The following TGM6 variants were observed in gnomAD, a reference collection of about 807,000 sequenced individuals.
TGM6 encodes the protein transglutaminase 6, also known as protein-glutamine gamma-glutamyltransferase 6.
Under a neutral mutation model 77.5 loss-of-function variants are expected in TGM6, and 74 were observed. That is an observed-to-expected ratio of 0.96 (90% CI 0.79 to 1.16). TGM6 has a LOEUF of 1.16. Among genes scored for constraint, TGM6 ranks in the 50% most tolerant of loss-of-function variants. TGM6 has a pLI of 0.00. For synonymous variants in TGM6, 383 were observed against 378.9 expected, an observed-to-expected ratio of 1.01 and a Z score of -0.12; for missense variants, 968 against 940.2, an observed-to-expected ratio of 1.03 and a Z score of -0.39.
intron 12 of TGM6, among the ~76,000 whole-genome samples, chr20:2,431,648 ATTTGTGAAAAAGATCTTGTCC>A (rs1287969275): frequency 2.6e-5 from 4 of 152,240 alleles, no homozygotes; most frequent in African/African-American, 9.6e-5. Context: ...GGACAGTGTG[ATTTGTGAAAAAGATCTTGTCC>A]AAGGTCTGGG....
At position 2,402,375 on chromosome 20, in the gene TGM6, C is replaced by T. The variant is rs541072694; in HGVS notation, c.990-1022C>T. ...TGCCAGGAGCCCTTCCCGAGCTGGCCTCCAGCTCAGACCATCTCTTTGCTC... is the reference window on the plus strand; with the variant it reads ...TGCCAGGAGCCCTTCCCGAGCTGGCTTCCAGCTCAGACCATCTCTTTGCTC... On this transcript the variant is annotated intron_variant, in intron 7 of 12. Coordinates refer to ENST00000202625, the MANE Select transcript of TGM6 (RefSeq NM_198994.3). 2.6e-5 allele frequency among the ~76,000 whole-genome samples: 4 copies of T among 152,298 alleles called. 1 individual carries two copies. The highest frequency in any genetic ancestry group is 9.6e-5 in the African/African-American group (4 of 41,554).
chr20:2,405,568 G>A (rs2084744499), intron 9 of TGM6, among the ~76,000 whole-genome samples: 1 of 152,174 alleles, frequency 6.6e-6, no homozygotes, highest in African/African-American at 2.4e-5. Flanking sequence ...CTAAGTGGGT[G>A]GGTGCTGCTG....
intron 9 of TGM6, among the ~76,000 whole-genome samples, chr20:2,407,595 C>G (rs1259906747): frequency 6.6e-6 from 1 of 152,178 alleles, no homozygotes; most frequent in Non-Finnish European, 1.5e-5. Flanking sequence ...CTCCAGGCTA[C>G]AGAGCGAGAC....
chr20:2,405,897 T>C (rs999566439), intron 9 of TGM6, among the ~76,000 whole-genome samples: 2 of 152,184 alleles, frequency 1.3e-5, no homozygotes, highest in South Asian at 4.2e-4. Flanking sequence ...AATTCTCTTC[T>C]CCCTGCTCAG....
At chr20:2,393,269 C>G (rs777530360) in intron 1 of TGM6, among the ~76,000 whole-genome samples, 1 of 152,224 alleles carries the variant, frequency 6.6e-6, no homozygotes, top group Non-Finnish European at 1.5e-5. Flanking sequence ...CTCTTCATTT[C>G]AGCTGTCATA....
chr20:2,419,238 A>C (rs1227562455), intron 10 of TGM6, among the ~76,000 whole-genome samples: 1 of 151,566 alleles, frequency 6.6e-6, no homozygotes, highest in East Asian at 1.9e-4. Context: ...CTGTATCTCT[A>C]TCTCTCCTTT....
intron 11 of TGM6, 58 bp downstream of exon 11, chr20:2,430,658 G>T: frequency 6.2e-7 from 1 of 1,611,776 alleles, no homozygotes; most frequent in East Asian, 2.2e-5. Context: ...CCCAGAGCTG[G>T]GGGAGGGCGT....
chr20:2,403,652 C>T lies in TGM6; in HGVS notation c.1165C>T (p.Pro389Ser), dbSNP rs2084728463. ...EGDVHLAHDGPFVFAEVNADY... is the reference protein window; with the variant it reads ...EGDVHLAHDGSFVFAEVNADY... Reference sequence around the variant, plus strand: ...TGATGTGCACCTGGCTCACGATGGCCCCTTCGTGTTTGCGGAGGTCAACGC... The same window carrying T: ...TGATGTGCACCTGGCTCACGATGGCTCCTTCGTGTTTGCGGAGGTCAACGC... Residue 389 changes from proline (P) to serine (S), a missense_variant, in exon 9 of 13, where the codon CCC becomes TCC. Physicochemically the swap from Pro to Ser is moderately conservative, Grantham distance 74. Coordinates refer to ENST00000202625, the MANE Select transcript of TGM6 (RefSeq NM_198994.3). The T allele has an allele frequency of 1.2e-6, 2 of 1,614,186 alleles. No individual in the cohort carries two copies. Among genetic ancestry groups the T allele is most frequent in the East Asian group, 4.5e-5 (2 of 44,888 alleles).
intron 10 of TGM6, among the ~76,000 whole-genome samples, chr20:2,422,441 C>T (rs1376855516): frequency 6.6e-6 from 1 of 152,176 alleles, no homozygotes; most frequent in East Asian, 1.9e-4. Context: ...ATACCTCAGA[C>T]ATATTGCAGG....
intron 5 of TGM6, among the ~76,000 whole-genome samples, chr20:2,398,294 C>G (rs1458047171): frequency 6.6e-6 from 1 of 152,164 alleles, no homozygotes; most frequent in East Asian, 1.9e-4. Flanking sequence ...CTGGGGATAT[C>G]TTAATGACTG....
rs545959266 is a variant in TGM6, at chr20:2,403,581, G to C, written c.1094G>C (p.Gly365Ala). The C allele has an allele frequency of 1.1e-5, 17 of 1,614,130 alleles. No individual in the cohort carries two copies. In the East Asian group the frequency reaches 2.5e-4, roughly 23 times the overall value. Residue 365 changes from glycine to alanine, a missense_variant and splice_region_variant, in exon 9 of 13, where the codon GGT (glycine) becomes GCT (alanine). Coordinates refer to ENST00000202625, the MANE Select transcript of TGM6 (RefSeq NM_198994.3). ...GCTCATGCCCACCCCTCCTGCCCAGGTGTGTTCCGGTGCGGCCCAGCCTCA... is the reference window on the plus strand; with the variant it reads ...GCTCATGCCCACCCCTCCTGCCCAGCTGTGTTCCGGTGCGGCCCAGCCTCA... ...LDATPQEESE[G>A]VFRCGPASVT... is the part of the protein sequence containing the mutation.
intron 1 of TGM6, among the ~76,000 whole-genome samples, chr20:2,383,720 G>A (rs1169315675): frequency 1.3e-5 from 2 of 152,158 alleles, no homozygotes; most frequent in Non-Finnish European, 2.9e-5. Context: ...AAGCAAAGAG[G>A]GGAGAATAAC....
At chr20:2,388,443 A>G (rs2084609987) in intron 1 of TGM6, among the ~76,000 whole-genome samples, 1 of 152,152 alleles carries the variant, frequency 6.6e-6, no homozygotes, top group Non-Finnish European at 1.5e-5. Flanking sequence ...CCACCAACTC[A>G]GGAGGCAGAT....
intron 9 of TGM6, among the ~76,000 whole-genome samples, chr20:2,406,378 A>G (rs2084750486): frequency 6.6e-6 from 1 of 151,932 alleles, no homozygotes; most frequent in African/African-American, 2.4e-5. Flanking sequence ...CTGTAGTCCC[A>G]GCTACTCAGG....
chr20:2,429,747 G>A (rs909979620), intron 10 of TGM6, among the ~76,000 whole-genome samples: 13 of 151,584 alleles, frequency 8.6e-5, no homozygotes, highest in Admixed American at 7.2e-4. Flanking sequence ...CCAGCCTCGC[G>A]ACAGAGCGAG....
Position 2,396,621 on chromosome 20 carries a change from G to A in TGM6, c.540G>A (p.Gly180=). 1 of 1,614,184 alleles carries A rather than the reference G, an allele frequency of 6.2e-7. No homozygotes were observed. The change falls in exon 4 of 13, where the codon GGG becomes GGA. Residue 180 remains glycine, a synonymous_variant. Transcript: ENST00000202625. ...KHIRAQGWNY[G]QFEEDILNIC... is the part of the protein sequence containing the mutation. Reference sequence around the variant, plus strand: ...TACGAGCCCAGGGCTGGAACTACGGGCAGGTCTCCAGGGGCACAGGCCAGA... The same window carrying A: ...TACGAGCCCAGGGCTGGAACTACGGACAGGTCTCCAGGGGCACAGGCCAGA...
Position 2,431,044 on chromosome 20 carries a change from G to C in TGM6, c.1967+17G>C. ...CAGCATCGAGTAAGTGCCAGCCTGG[G>C]GGGCTGGCAGGGAATGGGGCTCTCT... On this transcript the variant is annotated intron_variant, in intron 12 of 12. Coordinates refer to ENST00000202625, the MANE Select transcript of TGM6 (RefSeq NM_198994.3). The C allele has an allele frequency of 6.2e-7, 1 of 1,612,862 alleles. No homozygotes were observed.
chr20:2,394,458 G>C lies in TGM6; in HGVS notation c.14G>C (p.Arg5Thr). Residue 5 changes from arginine to threonine, a missense_variant, in exon 2 of 13, where the codon AGA becomes ACA. Arg to Thr is a moderately conservative substitution (Grantham distance 71). Transcript: ENST00000202625. The stretch of plus-strand genomic sequence containing the variant: ...CTGTCCTCTCCCCACCCAGGGATCA[G>C]AGTCACCAAGGTGGACTGGCAGCGG... MAGI[R>T]VTKVDWQRSR... is the part of the protein sequence containing the mutation. 1 of 1,611,456 alleles carries C rather than the reference G, an allele frequency of 6.2e-7. No individual in the cohort carries two copies. The highest frequency in any genetic ancestry group is 8.5e-7 in the Non-Finnish European group (1 of 1,179,848).
At chr20:2,403,175 G>C (rs564601990) in intron 7 of TGM6, among the ~76,000 whole-genome samples, 2 of 152,334 alleles carry the variant, frequency 1.3e-5, no homozygotes, top group South Asian at 4.1e-4. Flanking sequence ...TTGAACAACA[G>C]GTTCTTGATA....
Sources: gnomAD v4.1 joint callset for allele counts (sites outside exome capture counted in the v4.1 genomes callset) on GRCh38, gnomAD v4.1.1 for gene constraint, MANE v1.5 for transcripts, NCBI Gene and HGNC (gene_info 2026-07-23, HGNC 2026-07-21) for gene names.